The following KCNQ2 variants were observed in gnomAD, a reference collection of about 807,000 sequenced individuals.
KCNQ2 encodes the protein potassium voltage-gated channel subfamily KQT member 2.
Under a neutral mutation model 84.8 loss-of-function variants are expected in KCNQ2, and 14 were observed. That is an observed-to-expected ratio of 0.17 (90% CI 0.11 to 0.26). The LOEUF (loss-of-function observed/expected upper bound fraction) is 0.26. Ranked by LOEUF, KCNQ2 falls within the 10% of genes least tolerant of loss-of-function variation. The pLI, the probability that KCNQ2 is intolerant of heterozygous loss-of-function variation, is 1.00. For synonymous variants in KCNQ2, 599 were observed against 554.1 expected, an observed-to-expected ratio of 1.08 and a Z score of -1.14; for missense variants, 788 against 1,254.0, an observed-to-expected ratio of 0.63 and a Z score of 5.61.
chr20:63,413,129 CACAT>C (rs1024120448), intron 15 of KCNQ2: 80 of 403,590 alleles, frequency 2.0e-4, no homozygotes, highest in African/African-American at 1.6e-3. Context: ...TACAACCACA[CACAT>C]ACACCTGTGC....
At position 63,446,719 on chromosome 20, in the gene KCNQ2, C is replaced by T. The variant is rs1446811752; in HGVS notation, c.387+28G>A. On this transcript the variant is annotated intron_variant, in intron 2 of 16. Transcript: ENST00000359125. The surrounding 1 kb of genome is among the most constrained non-coding windows in gnomAD (Gnocchi z 5.5). ...AGCTCCAGCTCCTTCCTGGGCACTTCCAGCCCCCGCCCTCCCTCGGGGCTC... is the reference window on the plus strand; with the variant it reads ...AGCTCCAGCTCCTTCCTGGGCACTTTCAGCCCCCGCCCTCCCTCGGGGCTC... The T allele has an allele frequency of 6.3e-7, 1 of 1,594,616 alleles. No individual in the cohort carries two copies. The highest frequency in any genetic ancestry group is 8.6e-7 in the Non-Finnish European group (1 of 1,162,920).
chr20:63,436,507 G>C (rs1416037632), intron 7 of KCNQ2, among the ~76,000 whole-genome samples: 1 of 151,462 alleles, frequency 6.6e-6, no homozygotes, highest in East Asian at 1.9e-4. Context: ...CTCCAGCCTG[G>C]GCAACAGAGC....
chr20:63,469,819 A>G (rs1287915522), intron 1 of KCNQ2, among the ~76,000 whole-genome samples: 2 of 152,350 alleles, frequency 1.3e-5, no homozygotes, highest in East Asian at 1.9e-4. Flanking sequence ...GCCAGAGGAC[A>G]TGGGGCCATC....
chr20:63,424,064 G>A lies in KCNQ2; in HGVS notation c.1247+113C>T, dbSNP rs6089910. 323,700 of 1,207,776 alleles carry A rather than the reference G, an allele frequency of 0.27. 48,338 individuals are homozygous for A. Among genetic ancestry groups the A allele is most frequent in the Non-Finnish European group, 0.31 (262,677 of 837,704 alleles). The allele number at this position is 1,207,776 out of a possible 1,614,324, so 74.8% of individuals were successfully genotyped here. ...GACCCGCAGTCACACAGTCACACAC[G>A]GAAGCACACACAAGGCCCTCACATC... is the stretch of plus-strand genomic sequence containing the variant. On this transcript the variant is annotated intron_variant, in intron 11 of 16. Coordinates refer to ENST00000359125, the MANE Select transcript of KCNQ2 (RefSeq NM_172107.4).
In KCNQ2 at chr20:63,406,793, C is replaced by T. The variant is rs750108040; in HGVS notation, c.2470G>A (p.Val824Met). 9 of 1,612,616 alleles carry T rather than the reference C, an allele frequency of 5.6e-6. No homozygotes were observed. Among genetic ancestry groups the T allele is most frequent in the South Asian group, 2.2e-5 (2 of 91,068 alleles). Residue 824 changes from valine to methionine, a missense_variant, in exon 17 of 17, where the codon GTG becomes ATG. Val to Met is a conservative substitution (Grantham distance 21, BLOSUM62 1). Around this residue, in one of 8 missense-constraint regions of KCNQ2, gnomAD observed 378 missense variants for 434.5 expected, o/e 0.87. Coordinates refer to ENST00000359125, the MANE Select transcript of KCNQ2 (RefSeq NM_172107.4). ...LDALNSCYAA[V>M]APCAKVRPYI... is the part of the protein sequence containing the mutation. ...GGCCTGACTTTGGCACAAGGCGCCA[C>T]GGCCGCGTAGCAGCTGTTGAGAGCA...
Position 63,406,801 on chromosome 20 carries a change from T to A in KCNQ2, c.2462A>T (p.Tyr821Phe). The A allele has an allele frequency of 6.2e-7, 1 of 1,612,618 alleles. No individual in the cohort carries two copies. Among genetic ancestry groups the A allele is most frequent in the Non-Finnish European group, 8.5e-7 (1 of 1,179,854 alleles). The change falls in exon 17 of 17, where the codon TAC (tyrosine) becomes TTC (phenylalanine). Residue 821 changes from tyrosine to phenylalanine, a missense_variant. Physicochemically the swap from Tyr to Phe is conservative, Grantham distance 22 (BLOSUM62 3). Transcript: ENST00000359125. Reference sequence around the variant, plus strand: ...TTTGGCACAAGGCGCCACGGCCGCGTAGCAGCTGTTGAGAGCATCCAGGTT... The same window carrying A: ...TTTGGCACAAGGCGCCACGGCCGCGAAGCAGCTGTTGAGAGCATCCAGGTT... ...KENLDALNSC[Y>F]AAVAPCAKVR...
Position 63,432,883 on chromosome 20 carries a change from G to A in KCNQ2, c.1118+926C>T, listed in dbSNP as rs537657955. Among the ~76,000 whole-genome samples, 19 of 152,194 alleles carry A rather than the reference G, an allele frequency of 1.2e-4. No homozygotes were observed. The South Asian group carries it at 1.7e-3, about 13-fold the overall frequency. ...ACCCTCAGGGAAGGCTCCACCCACAGGGAAGGCCCCACCCTTAGGGAAGGC... is the reference window on the plus strand; with the variant it reads ...ACCCTCAGGGAAGGCTCCACCCACAAGGAAGGCCCCACCCTTAGGGAAGGC... On this transcript the variant is annotated intron_variant, in intron 8 of 16. Transcript: ENST00000359125.
intron 9 of KCNQ2, among the ~76,000 whole-genome samples, 165 bp downstream of exon 9, chr20:63,431,175 G>A (rs1197345093): frequency 6.6e-6 from 1 of 152,096 alleles, no homozygotes; most frequent in Admixed American, 6.5e-5. Flanking sequence ...CGCCCAGCAT[G>A]GGGCCACGCA....
intron 12 of KCNQ2, among the ~76,000 whole-genome samples, chr20:63,416,980 C>T (rs550086470): frequency 2.8e-4 from 42 of 152,292 alleles, no homozygotes; most frequent in South Asian, 8.3e-4. Context: ...TGTGCCCGCT[C>T]GGGGAAGCAG....
intron 12 of KCNQ2, among the ~76,000 whole-genome samples, chr20:63,418,283 A>T (rs1024410603): frequency 6.6e-6 from 1 of 152,136 alleles, no homozygotes; most frequent in Admixed American, 6.5e-5. Flanking sequence ...CGTGGCACCT[A>T]CGCTTGGGGC....
rs2080125680 is a variant in KCNQ2, at chr20:63,411,702, C to T, written c.1763+1748G>A. On this transcript the variant is annotated intron_variant, in intron 15 of 16. Transcript: ENST00000359125. ...CCCGGGGAAAGGGTGGTACAAGGTG[C>T]TGCCGTCATGTGGCCTGGAGCGAAG... 1.9e-5 allele frequency: 11 copies of T among 565,762 alleles called. No homozygotes were observed. The African/African-American group carries it at 2.0e-4, about 10-fold the overall frequency. The allele number at this position is 565,762 out of a possible 1,614,324, so 35.0% of individuals were successfully genotyped here. A position where few individuals can be genotyped will look rare whatever the true frequency, so the allele number is the denominator to read the frequency against.
intron 1 of KCNQ2, among the ~76,000 whole-genome samples, chr20:63,453,374 G>A (rs897347134): frequency 6.6e-6 from 1 of 152,248 alleles, no homozygotes; most frequent in African/African-American, 2.4e-5. Flanking sequence ...CCATACGCAA[G>A]GGACGTCCCA....
chr20:63,416,845 T>G (rs1236307909), intron 12 of KCNQ2, among the ~76,000 whole-genome samples: 1 of 151,768 alleles, frequency 6.6e-6, no homozygotes, highest in African/African-American at 2.4e-5. Flanking sequence ...CGCGGATCGC[T>G]TGGCTGCCCC....
At chr20:63,448,575 G>A (rs2081506570) in intron 1 of KCNQ2, 1 of 152,284 alleles carries the variant, frequency 6.6e-6, no homozygotes, top group African/African-American at 2.4e-5. Flanking sequence ...ATCCAGGTGG[G>A]TGTCAAGGGA....
intron 15 of KCNQ2, 103 bp downstream of exon 15, chr20:63,413,347 C>T (rs575002692): frequency 2.8e-4 from 407 of 1,432,716 alleles, no homozygotes; most frequent in Non-Finnish European, 3.7e-4. Flanking sequence ...GAGGAGGCCC[C>T]GCCCACACAC....
chr20:63,406,919 G>A lies in KCNQ2; in HGVS notation c.2344C>T (p.Arg782Trp), dbSNP rs745990385. 1.1e-5 allele frequency: 17 copies of A among 1,607,888 alleles called. No individual in the cohort carries two copies. The highest frequency in any genetic ancestry group is 1.3e-5 in the African/African-American group (1 of 74,880). ...ATGGAGATGGACGTGTCGCTGTCCC[G>A]CAGGTTCCCCTCGGGGGGCCTGCAG... ...PGCRPPEGNL[R>W]DSDTSISIPS... is the part of the protein sequence containing the mutation. Residue 782 changes from arginine to tryptophan, a missense_variant, in exon 17 of 17, where the codon CGG (arginine) becomes TGG (tryptophan). Around this residue, in one of 8 missense-constraint regions of KCNQ2, gnomAD observed 378 missense variants for 434.5 expected, o/e 0.87. Transcript: ENST00000359125.
At position 63,431,241 on chromosome 20, in the gene KCNQ2, G is replaced by A. The variant is rs891882959; in HGVS notation, c.1148+99C>T. The A allele has an allele frequency of 4.4e-5, 60 of 1,358,190 alleles. 1 individual carries two copies. In the East Asian group the frequency reaches 6.0e-4, roughly 13 times the overall value. 84.1% of individuals were successfully genotyped at this position (1,358,190 alleles called of 1,614,324 possible). On this transcript the variant is annotated intron_variant, in intron 9 of 16. Coordinates refer to ENST00000359125, the MANE Select transcript of KCNQ2 (RefSeq NM_172107.4). ...AGGGACAGTGGTCACTCTGCAGACC[G>A]GGTGGGCCACGGGGCTCCAGGGGCT...
In KCNQ2 at chr20:63,472,387, C is replaced by T. The variant is rs1447528231; in HGVS notation, c.77G>A (p.Gly26Glu). The T allele has an allele frequency of 3.4e-5, 52 of 1,536,194 alleles. No homozygotes were observed. Among genetic ancestry groups the T allele is most frequent in the Non-Finnish European group, 4.5e-5 (51 of 1,144,294 alleles). The change falls in exon 1 of 17, where the codon GGG becomes GAG. Residue 26 changes from glycine to glutamate, a missense_variant. Physicochemically the swap from Gly to Glu is moderately conservative, Grantham distance 98. Coordinates refer to ENST00000359125, the MANE Select transcript of KCNQ2 (RefSeq NM_172107.4). ...GGAGTCGGGCGCGCCGGGGTCCAGC[C>T]CCACGAAGCCCACCTTCAGCTTCTT... The part of the protein sequence containing the change: ...GEKKLKVGFV[G>E]LDPGAPDSTR...
At chr20:63,423,887 C>T in intron 11 of KCNQ2, 1 of 525,356 alleles carries the variant, frequency 1.9e-6, no homozygotes. Flanking sequence ...ACCCTGGGGC[C>T]AGACTTGTGG....
Sources: gnomAD v4.1 joint callset for allele counts (sites outside exome capture counted in the v4.1 genomes callset) on GRCh38, gnomAD v4.1.1 for gene constraint, gnomAD v4.1.1 regional missense constraint, Gnocchi (gnomAD v3.1) non-coding constraint, MANE v1.5 for transcripts, NCBI Gene and HGNC (gene_info 2026-07-23, HGNC 2026-07-21) for gene names.